The following COL3A1 variants were observed in gnomAD, a reference collection of about 807,000 sequenced individuals.
COL3A1 encodes collagen alpha-1(III) chain.
COL3A1 carries 46 observed loss-of-function variants against 200.9 expected under a neutral mutation model. That is an observed-to-expected ratio of 0.23 (90% CI 0.18 to 0.29). The LOEUF is 0.29. COL3A1 is among the 10% of genes least tolerant of loss of function. The probability of loss-of-function intolerance (pLI) is 1.00; values close to 1 mark genes in which losing one functional copy is unlikely to be tolerated. For missense variants in COL3A1, 1,367 were observed against 1,917.6 expected (o/e 0.71, Z 5.36); for synonymous variants, 650 against 628.0 (o/e 1.03, Z -0.52).
At chr2:188,987,412 A>C (rs955067209) in intron 5 of COL3A1, among the ~76,000 whole-genome samples, 3 of 151,986 alleles carry the variant, frequency 2.0e-5, no homozygotes. Context: ...TTTATAAGAG[A>C]AAATGGAAAT....
intron 13 of COL3A1, 68 bp downstream of exon 13, chr2:188,991,790 T>A: frequency 6.6e-7 from 1 of 1,504,990 alleles, no homozygotes; most frequent in Non-Finnish European, 9.2e-7. Context: ...CTCAGTAAAG[T>A]TTCAGGCTGT....
chr2:188,994,540 G>A lies in COL3A1; in HGVS notation c.1294-1G>A, dbSNP rs1060500204. 6.2e-7 allele frequency: 1 copy of A among 1,614,062 alleles called. No individual in the cohort carries two copies. Among genetic ancestry groups the A allele is most frequent in the Non-Finnish European group, 8.5e-7 (1 of 1,180,012 alleles). On this transcript the variant is annotated splice_acceptor_variant, in intron 18 of 50. Transcript: ENST00000304636. LOFTEE classifies it high-confidence loss of function. The surrounding 1 kb of genome is among the most constrained non-coding windows in gnomAD (Gnocchi z 4.5). ...TCAACCAAGACTTTGTTATACTTTAGGGTGAGCCTGGTAAGAATGGTGCCA... is the reference window on the plus strand; with the variant it reads ...TCAACCAAGACTTTGTTATACTTTAAGGTGAGCCTGGTAAGAATGGTGCCA...
At position 189,010,818 on chromosome 2, in the gene COL3A1, G is replaced by T. The variant is rs1576474470; in HGVS notation, c.4182G>T (p.Gly1394=). ...TAAAGAAGGCCCTGAAGCTGATGGG[G>T]TCAAATGAAGGTGAATTCAAGGCTG... ...GNVKKALKLM[G]SNEGEFKAEG... Residue 1394 remains glycine (G), a synonymous_variant, in exon 50 of 51, where the codon GGG becomes GGT. Coordinates refer to ENST00000304636, the MANE Select transcript of COL3A1 (RefSeq NM_000090.4). 6.2e-7 allele frequency: 1 copy of T among 1,614,150 alleles called. No homozygotes were observed. The highest frequency in any genetic ancestry group is 1.1e-5 in the South Asian group (1 of 91,084).
Position 188,995,692 on chromosome 2 carries a change from G to C in COL3A1, c.1510G>C (p.Gly504Arg). 6.4e-7 allele frequency: 1 copy of C among 1,552,572 alleles called. No homozygotes were observed. Among genetic ancestry groups the C allele is most frequent in the Non-Finnish European group, 8.7e-7 (1 of 1,147,246 alleles). The change falls in exon 22 of 51, where the codon GGT (glycine) becomes CGT (arginine). Residue 504 changes from glycine (G) to arginine (R), a missense_variant and splice_region_variant. Transcript: ENST00000304636. ...AGPNGIPGEKGPAGERGAPGP... is the reference protein window; with the variant it reads ...AGPNGIPGEKRPAGERGAPGP... ...TTTTAAAATTTCTTTCACTACTTAGGGTCCTGCTGGAGAGCGTGGTGCTCC... is the reference window on the plus strand; with the variant it reads ...TTTTAAAATTTCTTTCACTACTTAGCGTCCTGCTGGAGAGCGTGGTGCTCC...
chr2:189,004,436 G>C, intron 40 of COL3A1, 72 bp downstream of exon 40: 2 of 1,410,978 alleles, frequency 1.4e-6, no homozygotes, highest in East Asian at 2.5e-5. Context: ...ACCATATCAA[G>C]GATGAAAAGT....
intron 1 of COL3A1, among the ~76,000 whole-genome samples, chr2:188,980,715 C>T (rs1176047666): frequency 6.6e-6 from 1 of 150,734 alleles, no homozygotes; most frequent in Non-Finnish European, 1.5e-5. Context: ...AGTAATCTAA[C>T]ATATTTTAAG....
Position 188,993,347 on chromosome 2 carries a change from G to T in COL3A1, c.1051-14G>T. ...GTGGTAAGAGAAACTGACTACACAA[G>T]GTTTTACCATTAGGGTGAAGTTGGA... On this transcript the variant is annotated splice_polypyrimidine_tract_variant and intron_variant, in intron 15 of 50. Coordinates refer to ENST00000304636, the MANE Select transcript of COL3A1 (RefSeq NM_000090.4). 1.3e-6 allele frequency: 2 copies of T among 1,558,276 alleles called. No homozygotes were observed. Among genetic ancestry groups the T allele is most frequent in the East Asian group, 2.4e-5 (1 of 41,792 alleles).
At chr2:189,010,949 G>A (rs1461878058) in intron 50 of COL3A1, 59 bp downstream of exon 50, 3 of 1,599,484 alleles carry the variant, frequency 1.9e-6, no homozygotes, top group African/African-American at 1.3e-5. Flanking sequence ...GTTTAATCAT[G>A]CAAATTATTT....
rs116499626 is a variant in COL3A1, at chr2:188,981,582, G to A, written c.80-3178G>A. On this transcript the variant is annotated intron_variant, in intron 1 of 50. Transcript: ENST00000304636. ...AAAAAATTAACTTATTTTTTTAACCGAAGCTACTCTGAATGCAGATATCTA... is the reference window on the plus strand; with the variant it reads ...AAAAAATTAACTTATTTTTTTAACCAAAGCTACTCTGAATGCAGATATCTA... Among the ~76,000 whole-genome samples the A allele has an allele frequency of 1.1e-4, 16 of 151,142 alleles. 1 individual carries two copies. Among genetic ancestry groups the A allele is most frequent in the African/African-American group, 9.7e-5 (4 of 41,348 alleles).
intron 43 of COL3A1, 45 bp downstream of exon 43, chr2:189,006,497 C>A (rs1410728933): frequency 6.4e-7 from 1 of 1,567,418 alleles, no homozygotes; most frequent in East Asian, 2.3e-5. Flanking sequence ...CTATTTCCTT[C>A]AATAAAGACA....
intron 3 of COL3A1, among the ~76,000 whole-genome samples, chr2:188,985,455 T>A (rs1192674028): frequency 1.3e-5 from 2 of 151,972 alleles, no homozygotes; most frequent in Non-Finnish European, 2.9e-5. Flanking sequence ...ACCCCCATGA[T>A]CAGTTTAAAG....
chr2:188,990,592 C>T (rs912685982), intron 10 of COL3A1, among the ~76,000 whole-genome samples: 1 of 152,062 alleles, frequency 6.6e-6, no homozygotes, highest in African/African-American at 2.4e-5. Flanking sequence ...TTTCTTACTA[C>T]CACTATCAGA....
At chr2:188,997,263 G>T in intron 25 of COL3A1, 45 bp downstream of exon 25, 1 of 1,612,770 alleles carries the variant, frequency 6.2e-7, no homozygotes, top group Non-Finnish European at 8.5e-7. Flanking sequence ...TAATAGATGC[G>T]TTCATCTCCA....
In COL3A1 at chr2:189,007,605, C is replaced by G; in HGVS notation, c.3361C>G (p.Pro1121Ala). ...FPGNPGAPGS[P>A]GPAGQQGAIG... is the part of the protein sequence containing the mutation. ...TGGTAATCCAGGTGCCCCAGGTTCTCCAGTAAGTGCATTCATTTTGTTGGA... is the reference window on the plus strand; with the variant it reads ...TGGTAATCCAGGTGCCCCAGGTTCTGCAGTAAGTGCATTCATTTTGTTGGA... The change falls in exon 45 of 51, where the codon CCA (proline) becomes GCA (alanine). Residue 1121 changes from proline (P) to alanine (A), a missense_variant and splice_region_variant. This residue lies in a region of COL3A1 where 846 missense variants were observed against 1,147.9 expected (regional missense o/e 0.74). Coordinates refer to ENST00000304636, the MANE Select transcript of COL3A1 (RefSeq NM_000090.4). 2 of 1,609,254 alleles carry G rather than the reference C, an allele frequency of 1.2e-6. No individual in the cohort carries two copies. Among genetic ancestry groups the G allele is most frequent in the Non-Finnish European group, 8.5e-7 (1 of 1,177,068 alleles).
intron 48 of COL3A1, among the ~76,000 whole-genome samples, chr2:189,009,492 CAT>C: frequency 7.1e-4 from 2 of 2,804 alleles, no homozygotes; most frequent in South Asian, 0.071. Flanking sequence ...TATAAAGTAA[CAT>C]ATCTTTTTTT....
rs773821514 is a variant in COL3A1, at chr2:188,985,712, A to G, written c.381A>G (p.Gly127=). ...PGRNGDPGIP[G]QPGSPGSPGP... ...GAAATGGTGACCCTGGTATTCCAGGACAACCAGGGTCCCCTGGTTCTCCTG... is the reference window on the plus strand; with the variant it reads ...GAAATGGTGACCCTGGTATTCCAGGGCAACCAGGGTCCCCTGGTTCTCCTG... Residue 127 remains glycine, a synonymous_variant, in exon 4 of 51, where the codon GGA becomes GGG. Transcript: ENST00000304636. 6.2e-7 allele frequency: 1 copy of G among 1,611,292 alleles called. No individual in the cohort carries two copies. Among genetic ancestry groups the G allele is most frequent in the East Asian group, 2.2e-5 (1 of 44,796 alleles).
At position 188,985,227 on chromosome 2, in the gene COL3A1, C is replaced by G. The variant is rs762567565; in HGVS notation, c.313C>G (p.Gln105Glu). 21 of 1,611,866 alleles carry G rather than the reference C, an allele frequency of 1.3e-5. No homozygotes were observed. The highest frequency in any genetic ancestry group is 1.8e-5 in the Non-Finnish European group (21 of 1,178,382). Residue 105 changes from glutamine to glutamate, a missense_variant, in exon 3 of 51, where the codon CAA (glutamine) becomes GAA (glutamate). Around this residue, in one of 5 missense-constraint regions of COL3A1, gnomAD observed 462 missense variants for 681.4 expected, o/e 0.68. Coordinates refer to ENST00000304636, the MANE Select transcript of COL3A1 (RefSeq NM_000090.4). The stretch of plus-strand genomic sequence containing the variant: ...TCGCCCTCCTAATGGTCAAGGACCT[C>G]AAGGCCCCAAGGGAGATCCAGTAAG... ...PTRPPNGQGP[Q>E]GPKGDPGPPG...
intron 7 of COL3A1, 121 bp downstream of exon 7, chr2:188,988,764 A>C (rs1688115538): frequency 1.5e-6 from 1 of 688,970 alleles, no homozygotes; most frequent in African/African-American, 1.8e-5. Context: ...TAAGTTTGTA[A>C]ATAACGAATA....
intron 1 of COL3A1, among the ~76,000 whole-genome samples, chr2:188,977,152 T>C (rs1165612530): frequency 6.6e-6 from 1 of 152,168 alleles, no homozygotes; most frequent in East Asian, 1.9e-4. Flanking sequence ...ATTTTTCATG[T>C]CTCTGATGTA....
Sources: gnomAD v4.1 joint callset for allele counts (sites outside exome capture counted in the v4.1 genomes callset) on GRCh38, gnomAD v4.1.1 for gene constraint, gnomAD v4.1.1 regional missense constraint, Gnocchi (gnomAD v3.1) non-coding constraint, MANE v1.5 for transcripts, NCBI Gene and HGNC (gene_info 2026-07-23, HGNC 2026-07-21) for gene names.